CSNK1A1: variants seen among roughly 807,000 people sequenced by gnomAD.
CSNK1A1 encodes casein kinase 1 alpha 1.
A neutral mutation model predicts 46.1 loss-of-function variants in CSNK1A1; 7 were observed. The ratio of observed to expected loss-of-function variants is 0.15; its 90% confidence interval spans 0.09 to 0.29. CSNK1A1 has a LOEUF of 0.29. CSNK1A1 is among the 10% of genes least tolerant of loss of function. The probability of loss-of-function intolerance (pLI) is 1.00; values close to 1 mark genes in which losing one functional copy is unlikely to be tolerated. For missense variants in CSNK1A1, 96 were observed against 417.1 expected (o/e 0.23, Z 6.71); for synonymous variants, 137 against 141.5 (o/e 0.97, Z 0.23).
intron 2 of CSNK1A1, among the ~76,000 whole-genome samples, chr5:149,531,258 G>A (rs1761885837): frequency 6.6e-6 from 1 of 152,152 alleles, no homozygotes; most frequent in Admixed American, 6.5e-5. Flanking sequence ...TTTGGGGCCA[G>A]GCACAGTGGC....
chr5:149,508,163 A>C (rs1055945952), intron 7 of CSNK1A1, among the ~76,000 whole-genome samples: 5 of 152,210 alleles, frequency 3.3e-5, no homozygotes, highest in African/African-American at 1.2e-4. Context: ...CTACAACCTT[A>C]TGAGAAATTT....
At chr5:149,506,293 C>T (rs1381275002) in intron 8 of CSNK1A1, among the ~76,000 whole-genome samples, 1 of 151,748 alleles carries the variant, frequency 6.6e-6, no homozygotes, top group Non-Finnish European at 1.5e-5. Flanking sequence ...TTGGAGTGCA[C>T]TGGGGGGATC....
intron 2 of CSNK1A1, among the ~76,000 whole-genome samples, chr5:149,540,158 G>T (rs529774883): frequency 1.4e-3 from 213 of 152,214 alleles, no homozygotes; most frequent in African/African-American, 4.6e-3. Flanking sequence ...TTAAGACCTT[G>T]TTGGGCTTTC....
In CSNK1A1 at chr5:149,550,700, T is replaced by TA; in HGVS notation, c.123+141dup. The TA allele has an allele frequency of 8.3e-7, 1 of 1,210,556 alleles. No homozygotes were observed. The highest frequency in any genetic ancestry group is 1.5e-5 in the South Asian group (1 of 66,280). The allele number at this position is 1,210,556 out of a possible 1,614,324, so 75.0% of individuals were successfully genotyped here. A position where few individuals can be genotyped will look rare whatever the true frequency, so the allele number is the denominator to read the frequency against. On this transcript the variant is annotated intron_variant, in intron 1 of 9. Transcript: ENST00000377843. The surrounding 1 kb of genome is among the most constrained non-coding windows in gnomAD (Gnocchi z 4.3). Reference sequence around the variant, plus strand: ...TTAGGGAGACAGCGGACGAGGTTCGTAAGCCAGGAAAACTAGCTCCCTGGA... The same window carrying TA: ...TTAGGGAGACAGCGGACGAGGTTCGTAAAGCCAGGAAAACTAGCTCCCTGGA...
intron 4 of CSNK1A1, 55 bp from the exon 5 acceptor site, chr5:149,513,264 C>A: frequency 6.7e-7 from 1 of 1,487,978 alleles, no homozygotes; most frequent in Non-Finnish European, 9.2e-7. Context: ...AATTAAACTG[C>A]GTCTTATTCA....
At chr5:149,520,911 T>A (rs1761548404) in intron 3 of CSNK1A1, among the ~76,000 whole-genome samples, 1 of 152,228 alleles carries the variant, frequency 6.6e-6, no homozygotes, top group Non-Finnish European at 1.5e-5. Flanking sequence ...TTATATAATC[T>A]CATTCCAAAA....
Position 149,534,906 on chromosome 5 carries a change from C to CAA in CSNK1A1, c.231-9737_231-9736dup, listed in dbSNP as rs537826461. Among the ~76,000 whole-genome samples the CAA allele has an allele frequency of 6.5e-3, 473 of 72,424 alleles. 4 individuals carry two copies. Among genetic ancestry groups the CAA allele is most frequent in the Non-Finnish European group, 8.1e-3 (278 of 34,278 alleles). 47.5% of individuals were successfully genotyped at this position (72,424 alleles called of 152,430 possible). A position where few individuals can be genotyped will look rare whatever the true frequency, so the allele number is the denominator to read the frequency against. ...TGGGTGACACTGAGACCTTGTCTCC[C>CAA]AAAAAAAAAAAAAAAAAAGCCCCTT... On this transcript the variant is annotated intron_variant, in intron 2 of 9. Transcript: ENST00000377843.
intron 2 of CSNK1A1, among the ~76,000 whole-genome samples, chr5:149,531,394 C>G (rs991529356): frequency 6.6e-6 from 1 of 151,528 alleles, no homozygotes; most frequent in Non-Finnish European, 1.5e-5. Flanking sequence ...ATTAACATGC[C>G]TGTAATCCAG....
chr5:149,504,549 C>T, intron 9 of CSNK1A1: 1 of 985,344 alleles, frequency 1.0e-6, no homozygotes, highest in Non-Finnish European at 1.2e-6. Context: ...AAAGACAAAA[C>T]ATGAAAATGG....
chr5:149,506,170 AC>A (rs1033566833), intron 8 of CSNK1A1, among the ~76,000 whole-genome samples: 2 of 151,822 alleles, frequency 1.3e-5, no homozygotes, highest in South Asian at 2.1e-4. Context: ...CAGGTGATCC[AC>A]CCCCATCGGC....
In CSNK1A1 at chr5:149,512,014, G is replaced by A. The variant is rs980585567; in HGVS notation, c.597-142C>T. On this transcript the variant is annotated intron_variant, in intron 5 of 9. Transcript: ENST00000377843. ...CTTACGCAAGAAGCTACTTATTTAA[G>A]GTGATTTTAAAAAGTTCATGTGTTA... 2.8e-5 allele frequency: 17 copies of A among 602,216 alleles called. No homozygotes were observed. The East Asian group carries it at 4.4e-4, about 15-fold the overall frequency. The allele number at this position is 602,216 out of a possible 1,614,324, so 37.3% of individuals were successfully genotyped here.
rs375444306 is a variant in CSNK1A1 at position 149,544,737 on chromosome 5, TTA to T, written c.230+5336_230+5337del. On this transcript the variant is annotated intron_variant, in intron 2 of 9. Transcript: ENST00000377843. ...GTGAGGATGATGAGGGTAAAGAGCT[TTA>T]TATATATATATATATATATATATAT... Among the ~76,000 whole-genome samples the T allele has an allele frequency of 1.5e-3, 125 of 80,804 alleles. 5 individuals carry two copies. Among genetic ancestry groups the T allele is most frequent in the African/African-American group, 6.8e-3 (105 of 15,334 alleles). 53.0% of individuals were successfully genotyped at this position (80,804 alleles called of 152,430 possible).
rs1376282645 is a variant in CSNK1A1 at position 149,494,942 on chromosome 5, G to C, written c.*1911C>G. On this transcript the variant is annotated 3_prime_UTR_variant, in exon 10 of 10. Transcript: ENST00000377843. The stretch of plus-strand genomic sequence containing the variant: ...ATCTTGCTAGAGGGAGTTCAGCTTG[G>C]AAGTTATTACCAAAGCTAAACATTT... The C allele has an allele frequency of 1.3e-5, 2 of 152,172 alleles. No homozygotes were observed. Among genetic ancestry groups the C allele is most frequent in the Non-Finnish European group, 2.9e-5 (2 of 68,028 alleles). The allele number at this position is 152,172 out of a possible 1,614,324, so 9.4% of individuals were successfully genotyped here. A position where few individuals can be genotyped will look rare whatever the true frequency, so the allele number is the denominator to read the frequency against.
Position 149,550,235 on chromosome 5 carries a change from C to G in CSNK1A1, c.124-54G>C. The stretch of plus-strand genomic sequence containing the variant: ...CAACATCCCTACGGATTCAATGTCA[C>G]TTAGGAAAGGAGGGAGACATTAGCA... On this transcript the variant is annotated intron_variant, in intron 1 of 9. Coordinates refer to ENST00000377843, the MANE Select transcript of CSNK1A1 (RefSeq NM_001892.6). The surrounding 1 kb of genome is among the most constrained non-coding windows in gnomAD (Gnocchi z 4.3). 1.3e-6 allele frequency: 2 copies of G among 1,594,048 alleles called. No homozygotes were observed. The highest frequency in any genetic ancestry group is 8.5e-7 in the Non-Finnish European group (1 of 1,169,956).
intron 9 of CSNK1A1, among the ~76,000 whole-genome samples, chr5:149,500,200 C>T (rs1319659891): frequency 1.3e-5 from 2 of 148,700 alleles, no homozygotes; most frequent in East Asian, 2.0e-4. Flanking sequence ...TGCAGTGGCG[C>T]GATCTTGGCT....
chr5:149,498,117 C>T (rs1263757121), intron 9 of CSNK1A1: 3 of 985,216 alleles, frequency 3.0e-6, no homozygotes, highest in Non-Finnish European at 3.6e-6. Context: ...CAGGTGGGAG[C>T]CACCGTGCCC....
intron 7 of CSNK1A1, among the ~76,000 whole-genome samples, chr5:149,507,735 A>C (rs1201932747): frequency 6.6e-6 from 1 of 152,196 alleles, no homozygotes; most frequent in Non-Finnish European, 1.5e-5. Context: ...GGTCTCCCAC[A>C]GTGCTGGGAT....
chr5:149,538,887 A>C (rs1762144299), intron 2 of CSNK1A1, among the ~76,000 whole-genome samples: 1 of 151,508 alleles, frequency 6.6e-6, no homozygotes, highest in Non-Finnish European at 1.5e-5. Flanking sequence ...GTGCCATTGC[A>C]CTCCAGCTTG....
intron 2 of CSNK1A1, among the ~76,000 whole-genome samples, chr5:149,532,675 CA>C (rs927219607): frequency 6.6e-6 from 1 of 152,122 alleles, no homozygotes; most frequent in Non-Finnish European, 1.5e-5. Flanking sequence ...GCGGTAAGAG[CA>C]AAACTCCATC....
Sources: allele counts gnomAD v4.1 joint callset (sites outside exome capture counted in the v4.1 genomes callset), GRCh38; gene constraint gnomAD v4.1.1; non-coding constraint Gnocchi (gnomAD v3.1); transcripts MANE v1.5; gene names NCBI Gene and HGNC (gene_info 2026-07-23, HGNC 2026-07-21).